GALNT16: variants seen among roughly 807,000 people sequenced by gnomAD.
GALNT16 encodes UDP-GalNAc:polypeptide N-acetylgalactosaminyltransferase-like protein 1.
Under a neutral mutation model 76.1 loss-of-function variants are expected in GALNT16, and 40 were observed. That is an observed-to-expected ratio of 0.53 (90% CI 0.41 to 0.68). GALNT16 has a LOEUF of 0.68. Among genes scored for constraint, GALNT16 ranks in the 30% least tolerant of loss-of-function variants. The pLI is 0.00. For missense variants in GALNT16, 621 were observed against 731.9 expected, an observed-to-expected ratio of 0.85 and a Z score of 1.75; for synonymous variants, 276 against 285.2, an observed-to-expected ratio of 0.97 and a Z score of 0.32.
intron 1 of GALNT16, among the ~76,000 whole-genome samples, chr14:69,302,170 AG>A (rs1461095827): frequency 6.6e-6 from 1 of 152,198 alleles, no homozygotes; most frequent in Admixed American, 6.5e-5. Flanking sequence ...ATGATGTTAA[AG>A]TATTAGTGTC....
intron 6 of GALNT16, 72 bp downstream of exon 6, chr14:69,328,643 T>A: frequency 6.7e-7 from 1 of 1,502,024 alleles, no homozygotes; most frequent in Non-Finnish European, 9.0e-7. Context: ...CCGAGGCCTA[T>A]GGGACAGTAT....
chr14:69,342,544 A>T (rs2045507926), intron 12 of GALNT16, among the ~76,000 whole-genome samples: 1 of 146,648 alleles, frequency 6.8e-6, no homozygotes. Flanking sequence ...AGAAAAGAAA[A>T]GGAGAGAATC....
chr14:69,306,640 A>G (rs1050000233), intron 1 of GALNT16, among the ~76,000 whole-genome samples: 2 of 152,224 alleles, frequency 1.3e-5, no homozygotes, highest in African/African-American at 4.8e-5. Flanking sequence ...TTTGTCTATA[A>G]GTTGAATCAT....
chr14:69,374,500 T>C, the GALNT16 span, among the ~76,000 whole-genome samples: 1 of 152,200 alleles, frequency 6.6e-6, no homozygotes, highest in Non-Finnish European at 1.5e-5. Flanking sequence ...GCAGTATGTG[T>C]AGGATGTCTT....
the GALNT16 span, among the ~76,000 whole-genome samples, chr14:69,375,956 A>C: frequency 2.0e-5 from 3 of 150,872 alleles, no homozygotes; most frequent in Admixed American, 2.0e-4. Context: ...AGACATCTTT[A>C]ACTTTTCAGT....
the GALNT16 span, among the ~76,000 whole-genome samples, chr14:69,364,201 A>G: frequency 6.6e-6 from 1 of 152,104 alleles, no homozygotes; most frequent in East Asian, 1.9e-4. This position sits in a 1 kb window ranked among gnomAD's most constrained non-coding sequence, Gnocchi z 4.2. Context: ...GTCTTGGGGG[A>G]TTGTTCTTTG....
At chr14:69,324,468 A>T (rs1384562561) in intron 2 of GALNT16, among the ~76,000 whole-genome samples, 2 of 152,050 alleles carry the variant, frequency 1.3e-5, no homozygotes, top group East Asian at 3.9e-4. Context: ...AGGTCTCCCA[A>T]CCTGCTGCTT....
chr14:69,280,825 C>T (rs2044530778), intron 1 of GALNT16, among the ~76,000 whole-genome samples: 1 of 152,108 alleles, frequency 6.6e-6, no homozygotes, highest in South Asian at 2.1e-4. Context: ...AGGCTATTTA[C>T]CTCCAGGTTG....
intron 1 of GALNT16, among the ~76,000 whole-genome samples, chr14:69,294,748 A>T (rs1359801524): frequency 6.6e-6 from 1 of 152,034 alleles, no homozygotes; most frequent in African/African-American, 2.4e-5. Flanking sequence ...CTGATTTTTT[A>T]AATATTTATT....
chr14:69,371,114 G>C, the GALNT16 span, among the ~76,000 whole-genome samples: 1 of 152,202 alleles, frequency 6.6e-6, no homozygotes, highest in African/African-American at 2.4e-5. Context: ...AGAAGTGCCG[G>C]AAGTTGAACA....
chr14:69,295,970 A>T (rs1265672342), intron 1 of GALNT16, among the ~76,000 whole-genome samples: 1 of 152,156 alleles, frequency 6.6e-6, no homozygotes, highest in East Asian at 1.9e-4. Flanking sequence ...GCATATCGTT[A>T]TCAGTCCATT....
chr14:69,354,791 A>C (rs1188491815), downstream of GALNT16: 1 of 152,270 alleles, frequency 6.6e-6, no homozygotes, highest in Non-Finnish European at 1.5e-5. Context: ...TTAGAAATGG[A>C]AAGCAAATTG....
intron 12 of GALNT16, among the ~76,000 whole-genome samples, chr14:69,345,370 C>G (rs1278370911): frequency 6.6e-6 from 1 of 152,134 alleles, no homozygotes; most frequent in Non-Finnish European, 1.5e-5. Flanking sequence ...AAGGGTCTCT[C>G]TGAGCCTCCT....
chr14:69,379,815 C>T, the GALNT16 span, among the ~76,000 whole-genome samples: 477 of 152,300 alleles, frequency 3.1e-3, 4 homozygotes, highest in African/African-American at 0.011. Flanking sequence ...AGTACTTCAT[C>T]TGATCAACAC....
At chr14:69,306,374 T>G (rs150895892) in intron 1 of GALNT16, among the ~76,000 whole-genome samples, 2 of 152,216 alleles carry the variant, frequency 1.3e-5, no homozygotes, top group Non-Finnish European at 2.9e-5. Flanking sequence ...TTGAATCACA[T>G]GTACACTTTT....
intron 11 of GALNT16, among the ~76,000 whole-genome samples, chr14:69,339,867 T>C (rs570772878): frequency 6.6e-6 from 1 of 152,340 alleles, no homozygotes. Flanking sequence ...TGTCCACAGC[T>C]GCCTGCAGAA....
chr14:69,275,301 A>G (rs912917667), intron 1 of GALNT16, among the ~76,000 whole-genome samples: 2 of 152,208 alleles, frequency 1.3e-5, no homozygotes, highest in Admixed American at 6.5e-5. Context: ...AGAGAGCTCT[A>G]TGCAAAGGGA....
chr14:69,351,279 G>A (rs961913610), intron 14 of GALNT16: 1 of 152,294 alleles, frequency 6.6e-6, no homozygotes, highest in African/African-American at 2.4e-5. Context: ...AACCCCAATA[G>A]GAGAAAAGTC....
chr14:69,295,094 C>T (rs1262923240), intron 1 of GALNT16, among the ~76,000 whole-genome samples: 3 of 152,088 alleles, frequency 2.0e-5, no homozygotes, highest in African/African-American at 7.2e-5. Flanking sequence ...ATACAATGAA[C>T]CCCCACGGGC....
Sources: allele counts gnomAD v4.1 joint callset (sites outside exome capture counted in the v4.1 genomes callset), GRCh38; gene constraint gnomAD v4.1.1; non-coding constraint Gnocchi (gnomAD v3.1); transcripts MANE v1.5; gene names NCBI Gene and HGNC (gene_info 2026-07-23, HGNC 2026-07-21).